Variants in BCAS3 observed in about 807,000 individuals in gnomAD.
BCAS3 encodes BCAS3 microtubule associated cell migration factor.
Under a neutral mutation model 116.1 loss-of-function variants are expected in BCAS3, and 53 were observed. The observed-to-expected ratio is 0.46, with a 90% CI of 0.37 to 0.57. The LOEUF is 0.57. BCAS3 is among the 20% of genes least tolerant of loss of function. BCAS3 has a pLI of 0.00. For synonymous variants in BCAS3, 391 were observed against 408.2 expected (o/e 0.96, Z 0.51); for missense variants, 917 against 1,165.4 (o/e 0.79, Z 3.10).
rs957405503 is a variant in BCAS3, at chr17:61,316,204, G to A, written c.2426-52123G>A. 6.6e-5 allele frequency among the ~76,000 whole-genome samples: 10 copies of A among 152,130 alleles called. No individual in the cohort carries two copies. Among genetic ancestry groups the A allele is most frequent in the African/African-American group, 2.4e-4 (10 of 41,424 alleles). Reference sequence around the variant, plus strand: ...GCCTGTGATCCCAGCTACTCAGGAGGCTGTGGCAGGAGAATCACCTGAGTC... The same window carrying A: ...GCCTGTGATCCCAGCTACTCAGGAGACTGTGGCAGGAGAATCACCTGAGTC... On this transcript the variant is annotated intron_variant, in intron 22 of 23. Transcript: ENST00000407086. The surrounding 1 kb of genome is among the most constrained non-coding windows in gnomAD (Gnocchi z 5.8).
intron 6 of BCAS3, among the ~76,000 whole-genome samples, chr17:60,772,347 A>T (rs2044795756): frequency 6.6e-6 from 1 of 151,978 alleles, no homozygotes; most frequent in Admixed American, 6.5e-5. Flanking sequence ...GGCTGCATAA[A>T]TGTCTTCTTT....
intron 15 of BCAS3, among the ~76,000 whole-genome samples, chr17:61,011,139 A>G (rs182214195): frequency 6.7e-5 from 10 of 149,798 alleles, no homozygotes; most frequent in Admixed American, 6.6e-4. Context: ...CATTGTACTC[A>G]TGCAATAAAG....
chr17:61,392,666 T>TCTTCCTCCTTTCTTTCCC lies in BCAS3; in HGVS notation c.*543_*560dup, dbSNP rs1386026382. 1 of 154,078 alleles carries TCTTCCTCCTTTCTTTCCC rather than the reference T, an allele frequency of 6.5e-6. No individual in the cohort carries two copies. The highest frequency in any genetic ancestry group is 1.4e-5 in the Non-Finnish European group (1 of 69,510). 9.5% of individuals were successfully genotyped at this position (154,078 alleles called of 1,614,324 possible). ...AAGGAGGAAGGGAGGACATGCCTCT[T>TCTTCCTCCTTTCTTTCCC]CTTCCTCCTTTCTTTCCCCATCTGT... On this transcript the variant is annotated 3_prime_UTR_variant, in exon 24 of 24. Transcript: ENST00000407086. This position sits in a 1 kb window ranked among gnomAD's most constrained non-coding sequence, Gnocchi z 6.4.
At chr17:60,711,301 A>G (rs542856685) in intron 5 of BCAS3, among the ~76,000 whole-genome samples, 14 of 152,006 alleles carry the variant, frequency 9.2e-5, no homozygotes, top group South Asian at 2.1e-4. Context: ...TAATTTTGGT[A>G]TTGTTCCAAA....
Position 61,259,221 on chromosome 17 carries a change from A to G in BCAS3, c.2426-109106A>G, listed in dbSNP as rs548030171. Among the ~76,000 whole-genome samples the G allele has an allele frequency of 6.6e-6, 1 of 152,182 alleles. No homozygotes were observed. Among genetic ancestry groups the G allele is most frequent in the East Asian group, 1.9e-4 (1 of 5,200 alleles). ...TAGTATCATCATTACTTGTATTTACATTTTTATTTTGAAAGAGCATGGGGA... is the reference window on the plus strand; with the variant it reads ...TAGTATCATCATTACTTGTATTTACGTTTTTATTTTGAAAGAGCATGGGGA... On this transcript the variant is annotated intron_variant, in intron 22 of 23. Transcript: ENST00000407086. The surrounding 1 kb of genome is among the most constrained non-coding windows in gnomAD (Gnocchi z 4.7).
intron 7 of BCAS3, among the ~76,000 whole-genome samples, chr17:60,836,256 T>C (rs1404866975): frequency 6.6e-6 from 1 of 152,142 alleles, no homozygotes; most frequent in Non-Finnish European, 1.5e-5. Flanking sequence ...TTCTGTGGGG[T>C]TGGATAATTG....
chr17:60,825,712 G>A (rs369609554), intron 7 of BCAS3, among the ~76,000 whole-genome samples: 2 of 151,534 alleles, frequency 1.3e-5, no homozygotes, highest in African/African-American at 4.8e-5. Context: ...CTCACATGGT[G>A]GAAGGGCAAA....
In BCAS3 at chr17:61,065,517, G is replaced by A. The variant is rs1453112077; in HGVS notation, c.2030-9403G>A. 6.6e-6 allele frequency among the ~76,000 whole-genome samples: 1 copy of A among 152,162 alleles called. No individual in the cohort carries two copies. The highest frequency in any genetic ancestry group is 1.5e-5 in the Non-Finnish European group (1 of 68,010). On this transcript the variant is annotated intron_variant, in intron 19 of 23. Coordinates refer to ENST00000407086, the MANE Select transcript of BCAS3 (RefSeq NM_017679.5). This position sits in a 1 kb window ranked among gnomAD's most constrained non-coding sequence, Gnocchi z 4.8. ...TTTGGGTGAACTTTGAGCCTGAGCT[G>A]TTTCATTCAAGGCAGCATGATGTCA...
chr17:60,752,960 A>G (rs754265895), intron 6 of BCAS3, among the ~76,000 whole-genome samples: 1 of 151,946 alleles, frequency 6.6e-6, no homozygotes, highest in Non-Finnish European at 1.5e-5. Flanking sequence ...TCTTCCCACC[A>G]CAGCCTCCTG....
intron 22 of BCAS3, among the ~76,000 whole-genome samples, chr17:61,167,771 C>A (rs958075090): frequency 6.6e-6 from 1 of 152,126 alleles, no homozygotes; most frequent in Admixed American, 6.5e-5. Context: ...GTAGGGGATA[C>A]CTTTGAACAG....
chr17:61,050,041 T>C (rs548697195), intron 19 of BCAS3, among the ~76,000 whole-genome samples: 2 of 152,114 alleles, frequency 1.3e-5, no homozygotes, highest in African/African-American at 4.8e-5. Flanking sequence ...CCAGCAGATA[T>C]CTTTGAAGTA....
At chr17:61,212,269 C>T (rs1015709466) in intron 22 of BCAS3, among the ~76,000 whole-genome samples, 4 of 151,966 alleles carry the variant, frequency 2.6e-5, no homozygotes, top group Non-Finnish European at 5.9e-5. Flanking sequence ...ATAGCGTCTC[C>T]GTCTGTCACC....
At chr17:61,076,830 A>G (rs1182389137) in intron 20 of BCAS3, among the ~76,000 whole-genome samples, 11 of 152,184 alleles carry the variant, frequency 7.2e-5, no homozygotes, top group Non-Finnish European at 1.5e-4. Context: ...ATCAGAAATC[A>G]CTGTCCTCAA....
chr17:61,043,603 G>A (rs1041259294), intron 19 of BCAS3, among the ~76,000 whole-genome samples: 1 of 151,878 alleles, frequency 6.6e-6, no homozygotes, highest in African/African-American at 2.4e-5. Context: ...TGATACCAAA[G>A]GTATGCATGT....
chr17:61,043,915 G>A (rs2067760212), intron 19 of BCAS3, among the ~76,000 whole-genome samples: 1 of 152,076 alleles, frequency 6.6e-6, no homozygotes, highest in African/African-American at 2.4e-5. Flanking sequence ...CTTCGTGGTT[G>A]TAGGAGGTGC....
rs1773438616 is a variant in BCAS3, at chr17:61,145,335, C to T, written c.2425+60771C>T. ...TGGGGCAGCAGCGGGGTCTGGCCTG[C>T]AGAAAGGAGCAGCCTGACCAAATTT... On this transcript the variant is annotated intron_variant, in intron 22 of 23. Transcript: ENST00000407086. The surrounding 1 kb of genome is among the most constrained non-coding windows in gnomAD (Gnocchi z 5.0). 6.6e-6 allele frequency among the ~76,000 whole-genome samples: 1 copy of T among 152,170 alleles called. No individual in the cohort carries two copies. The highest frequency in any genetic ancestry group is 6.5e-5 in the Admixed American group (1 of 15,278).
intron 3 of BCAS3, among the ~76,000 whole-genome samples, chr17:60,687,778 G>T (rs894713159): frequency 6.6e-6 from 1 of 152,158 alleles, no homozygotes; most frequent in Non-Finnish European, 1.5e-5. Flanking sequence ...CAAAGCTGTA[G>T]TAAGGAACAC....
chr17:60,799,520 G>GTTTTTTTTTTTTTTTTTTTTTTT lies in BCAS3; in HGVS notation c.404-8481_404-8480insTTTTTTTTTTTTTTTTTTTTTTT, dbSNP rs200098763. ...AATATGTAAGTTTTTTGAGATTAGT[G>GTTTTTTTTTTTTTTTTTTTTTTT]TTTGTTTTTTTTTTTTTTTTTTTTT... is the stretch of plus-strand genomic sequence containing the variant. On this transcript the variant is annotated intron_variant, in intron 6 of 23. Transcript: ENST00000407086. Among the ~76,000 whole-genome samples the GTTTTTTTTTTTTTTTTTTTTTTT allele has an allele frequency of 2.6e-5, 3 of 117,644 alleles. 1 individual carries two copies. Among genetic ancestry groups the GTTTTTTTTTTTTTTTTTTTTTTT allele is most frequent in the African/African-American group, 1.1e-4 (3 of 27,140 alleles). 77.2% of individuals were successfully genotyped at this position (117,644 alleles called of 152,430 possible). A position where few individuals can be genotyped will look rare whatever the true frequency, so the allele number is the denominator to read the frequency against.
intron 19 of BCAS3, among the ~76,000 whole-genome samples, chr17:61,072,872 C>T (rs8075512): frequency 0.1 from 15,923 of 152,056 alleles, 2,539 homozygotes; most frequent in African/African-American, 0.35. Flanking sequence ...GGTCACACCT[C>T]TCCTTCAGAT....
Sources: allele counts gnomAD v4.1 joint callset (sites outside exome capture counted in the v4.1 genomes callset), GRCh38; gene constraint gnomAD v4.1.1; non-coding constraint Gnocchi (gnomAD v3.1); transcripts MANE v1.5; gene names NCBI Gene and HGNC (gene_info 2026-07-23, HGNC 2026-07-21).